The following HPS3 variants were observed in gnomAD, a reference collection of about 807,000 sequenced individuals.
The protein encoded by HPS3 is BLOC-2 complex member HPS3.
Under a neutral mutation model 110.9 loss-of-function variants are expected in HPS3, and 79 were observed. The ratio of observed to expected loss-of-function variants is 0.71; its 90% CI spans 0.59 to 0.86. HPS3 has a LOEUF of 0.86. Ranked by LOEUF, HPS3 falls within the 40% of genes least tolerant of loss-of-function variation. The probability of loss-of-function intolerance (pLI) is 0.00; values close to 1 mark genes in which losing one functional copy is unlikely to be tolerated. For missense variants in HPS3, 1,197 were observed against 1,206.2 expected, an observed-to-expected ratio of 0.99 and a Z score of 0.11; for synonymous variants, 428 against 451.0, an observed-to-expected ratio of 0.95 and a Z score of 0.65.
At chr3:149,162,370 C>T in intron 12 of HPS3, 37 bp downstream of exon 12, 1 of 1,581,858 alleles carries the variant, frequency 6.3e-7, no homozygotes, top group Non-Finnish European at 8.7e-7. Context: ...TCTGGATGGC[C>T]TCATTAAATT....
At chr3:149,170,499 A>G (rs1724870496) in intron 16 of HPS3, 1 of 152,234 alleles carries the variant, frequency 6.6e-6, no homozygotes. Flanking sequence ...TGTGGAAGCT[A>G]GCAGACAGTA....
rs1724500780 is a variant in HPS3, at chr3:149,167,109, G to A, written c.2665G>A (p.Ala889Thr). 6.2e-7 allele frequency: 1 copy of A among 1,613,868 alleles called. No individual in the cohort carries two copies. Among genetic ancestry groups the A allele is most frequent in the African/African-American group, 1.3e-5 (1 of 75,034 alleles). ...FLEPLSEDTIAGLSVHVLCRT... is the reference protein window; with the variant it reads ...FLEPLSEDTITGLSVHVLCRT... ...GGAGCCACTTTCAGAAGACACTATT[G>A]CCGGCCTCAGTGTCCATGTTCTGTG... The change falls in exon 15 of 17, where the codon GCC (alanine) becomes ACC (threonine). Residue 889 changes from alanine (A) to threonine (T), a missense_variant. Physicochemically the swap from Ala to Thr is moderately conservative, Grantham distance 58. Transcript: ENST00000296051.
chr3:149,139,405 G>T (rs1158393325), intron 1 of HPS3, among the ~76,000 whole-genome samples: 2 of 152,092 alleles, frequency 1.3e-5, no homozygotes, highest in Non-Finnish European at 2.9e-5. Flanking sequence ...GGTCCTCAAG[G>T]GGGAGATCAT....
chr3:149,140,148 T>C lies in HPS3; in HGVS notation c.362T>C (p.Phe121Ser). 1 of 1,614,090 alleles carries C rather than the reference T, an allele frequency of 6.2e-7. No individual in the cohort carries two copies. The highest frequency in any genetic ancestry group is 8.5e-7 in the Non-Finnish European group (1 of 1,179,962). Residue 121 changes from phenylalanine to serine, a missense_variant, in exon 2 of 17, where the codon TTC becomes TCC. Phe to Ser is a radical substitution (Grantham distance 155). Coordinates refer to ENST00000296051, the MANE Select transcript of HPS3 (RefSeq NM_032383.5). ...GTGGAGGGACCATTCAGCAAAGCCT[T>C]CAGAGACCAGATGTACATTATTGAA... ...HNVEGPFSKA[F>S]RDQMYIIEMP...
At chr3:149,130,946 C>T (rs1396344699) in intron 1 of HPS3, among the ~76,000 whole-genome samples, 1 of 152,046 alleles carries the variant, frequency 6.6e-6, no homozygotes, top group East Asian at 1.9e-4. Context: ...CACTTACCTT[C>T]GATTCATACT....
In HPS3 at chr3:149,133,979, G is replaced by GTT. The variant is rs201284039; in HGVS notation, c.217+4047_217+4048dup. On this transcript the variant is annotated intron_variant, in intron 1 of 16. Coordinates refer to ENST00000296051, the MANE Select transcript of HPS3 (RefSeq NM_032383.5). ...TCCAATATCTCTGGGATATGCCTGT[G>GTT]TTTTTTTTTAAAAAAAATGAAAAGC... is the stretch of plus-strand genomic sequence containing the variant. Among the ~76,000 whole-genome samples, 33 of 147,240 alleles carry GTT rather than the reference G, an allele frequency of 2.2e-4. 1 individual carries two copies. The South Asian group carries it at 4.3e-3, about 19-fold the overall frequency.
rs373328893 is a variant in HPS3 at position 149,141,134 on chromosome 3, C to G, written c.830C>G (p.Thr277Arg). 30 of 1,611,692 alleles carry G rather than the reference C, an allele frequency of 1.9e-5. No individual in the cohort carries two copies. The South Asian group carries it at 3.3e-4, about 18-fold the overall frequency. ...QSGLSVTLESTGLADEKRKYS... is the reference protein window; with the variant it reads ...QSGLSVTLESRGLADEKRKYS... ...GGATTATCTGTTACACTGGAGTCTACGGGATTAGCTGATGAAAAAAGAAAA... is the reference window on the plus strand; with the variant it reads ...GGATTATCTGTTACACTGGAGTCTAGGGGATTAGCTGATGAAAAAAGAAAA... The change falls in exon 3 of 17, where the codon ACG becomes AGG. Residue 277 changes from threonine to arginine, a missense_variant. Transcript: ENST00000296051.
intron 16 of HPS3, 160 bp downstream of exon 16, chr3:149,168,143 C>T (rs1027079948): frequency 3.3e-6 from 2 of 615,266 alleles, no homozygotes; most frequent in African/African-American, 1.9e-5. Context: ...CTCCCCTTGA[C>T]ATTTGATATT....
At chr3:149,168,322 T>C (rs1384611734) in intron 16 of HPS3, 2 of 256,442 alleles carry the variant, frequency 7.8e-6, no homozygotes, top group African/African-American at 4.5e-5. Flanking sequence ...TTACTTCATG[T>C]AGGAAGTTAA....
At position 149,160,040 on chromosome 3, in the gene HPS3, C is replaced by T. The variant is rs2108162812; in HGVS notation, c.1873-6C>T. 1 of 1,604,324 alleles carries T rather than the reference C, an allele frequency of 6.2e-7. No individual in the cohort carries two copies. ...TATTCCTTTTATTCCTTCGTGCTCA[C>T]CAAAGGAATTAGCAGCAAAAGTGGT... is the stretch of plus-strand genomic sequence containing the variant. On this transcript the variant is annotated splice_polypyrimidine_tract_variant and splice_region_variant and intron_variant, in intron 10 of 16. Coordinates refer to ENST00000296051, the MANE Select transcript of HPS3 (RefSeq NM_032383.5).
chr3:149,133,162 A>G (rs1314003118), intron 1 of HPS3, among the ~76,000 whole-genome samples: 1 of 152,266 alleles, frequency 6.6e-6, no homozygotes, highest in Non-Finnish European at 1.5e-5. Flanking sequence ...AGGTTTGAAA[A>G]GATTAACTCC....
chr3:149,140,279 A>T lies in HPS3; in HGVS notation c.493A>T (p.Ile165Phe), dbSNP rs1175699725. The change falls in exon 2 of 17, where the codon ATC becomes TTC. Residue 165 changes from isoleucine (I) to phenylalanine (F), a missense_variant. Coordinates refer to ENST00000296051, the MANE Select transcript of HPS3 (RefSeq NM_032383.5). ...KLVLFSLKYQ[I>F]INEEFSLLDF... ...AGTCTTATTTAGTTTGAAGTACCAG[A>T]TCATTAATGAGGAATTCTCACTATT... is the stretch of plus-strand genomic sequence containing the variant. 3 of 1,613,942 alleles carry T rather than the reference A, an allele frequency of 1.9e-6. No homozygotes were observed. The highest frequency in any genetic ancestry group is 2.2e-5 in the South Asian group (2 of 91,084).
intron 7 of HPS3, 118 bp downstream of exon 7, chr3:149,153,766 G>C: frequency 9.7e-7 from 1 of 1,030,122 alleles, no homozygotes; most frequent in Middle Eastern, 2.1e-4. Flanking sequence ...GCTTTTTTAT[G>C]GTGGTCTTTT....
chr3:149,130,260 T>C, intron 1 of HPS3: 1 of 450,224 alleles, frequency 2.2e-6, no homozygotes, highest in South Asian at 2.8e-5. Context: ...AAAAAACTCT[T>C]TAGTGCATCA....
intron 14 of HPS3, among the ~76,000 whole-genome samples, chr3:149,165,227 T>C (rs1724298456): frequency 6.6e-6 from 1 of 152,162 alleles, no homozygotes. Flanking sequence ...AGATGGAGCT[T>C]TGCCTTCCTA....
At chr3:149,141,220 AT>A in intron 3 of HPS3, 32 bp downstream of exon 3, 1 of 1,373,458 alleles carries the variant, frequency 7.3e-7, no homozygotes, top group Non-Finnish European at 1.0e-6. Context: ...TTTTACCAGC[AT>A]TTTATGTATA....
At chr3:149,130,948 A>G (rs1453399478) in intron 1 of HPS3, among the ~76,000 whole-genome samples, 1 of 152,158 alleles carries the variant, frequency 6.6e-6, no homozygotes, top group African/African-American at 2.4e-5. Context: ...CTTACCTTCG[A>G]TTCATACTTT....
In HPS3 at chr3:149,172,355, C is replaced by CACACAT. The variant is rs1417486263; in HGVS notation, c.*134_*135insCACATA. On this transcript the variant is annotated 3_prime_UTR_variant, in exon 17 of 17. Transcript: ENST00000296051. ...ACACACACACACACACACACACACA[C>CACACAT]ATATATGATACAAATGCTTTCAGGC... is the stretch of plus-strand genomic sequence containing the variant. The CACACAT allele has an allele frequency of 1.8e-4, 114 of 619,282 alleles. 1 individual carries two copies. The African/African-American group carries it at 2.0e-3, about 11-fold the overall frequency. 38.4% of individuals were successfully genotyped at this position (619,282 alleles called of 1,614,324 possible).
chr3:149,130,004 C>T (rs1266829718), intron 1 of HPS3, 64 bp downstream of exon 1: 16 of 1,428,450 alleles, frequency 1.1e-5, no homozygotes, highest in Non-Finnish European at 1.5e-5. Context: ...GCTAGCGGAC[C>T]GAACGTCTGG....
Sources: gnomAD v4.1 joint callset for allele counts (sites outside exome capture counted in the v4.1 genomes callset) on GRCh38, gnomAD v4.1.1 for gene constraint, MANE v1.5 for transcripts, NCBI Gene and HGNC (gene_info 2026-07-23, HGNC 2026-07-21) for gene names.